Variants in HDAC8 observed in about 807,000 individuals in gnomAD.
HDAC8 encodes the protein histone deacetylase 8.
HDAC8 carries 1 observed loss-of-function variant against 32.2 expected under a neutral mutation model. The ratio of observed to expected loss-of-function variants is 0.03; its 90% CI spans 0.01 to 0.15. The LOEUF is 0.15. Among genes scored for constraint, HDAC8 ranks in the 10% least tolerant of loss-of-function variants. The pLI, the probability that HDAC8 is intolerant of heterozygous loss-of-function variation, is 1.00. For missense variants in HDAC8, 117 were observed against 300.0 expected (o/e 0.39, Z 4.51); for synonymous variants, 108 against 113.9 (o/e 0.95, Z 0.33).
At chrX:72,556,854 G>T (rs1158011255) in intron 4 of HDAC8, among the ~76,000 whole-genome samples, 1 of 111,875 alleles carries the variant, frequency 8.9e-6, no homozygotes, top group Non-Finnish European at 1.9e-5. Flanking sequence ...ATCCAGACAG[G>T]AAGTCAACAA....
At chrX:72,447,187 C>T (rs2047430987) in intron 9 of HDAC8, among the ~76,000 whole-genome samples, 1 of 112,147 alleles carries the variant, frequency 8.9e-6, no homozygotes, top group Non-Finnish European at 1.9e-5. Context: ...CAAAAATGCT[C>T]AATAAAATAC....
intron 6 of HDAC8, among the ~76,000 whole-genome samples, chrX:72,489,956 T>A (rs2048807853): frequency 9.0e-6 from 1 of 111,339 alleles, no homozygotes; most frequent in African/African-American, 3.3e-5. Context: ...ATGAACAGAC[T>A]CTTCTCAAAA....
chrX:72,361,081 G>A (rs78046994), intron 9 of HDAC8, among the ~76,000 whole-genome samples: 9,445 of 110,227 alleles, frequency 0.086, 402 homozygotes, highest in East Asian at 0.29. Context: ...AGATGGGGAT[G>A]GAAAAAAAGT....
At chrX:72,351,665 G>A in intron 10 of HDAC8, 68 bp downstream of exon 10, 1 of 722,938 alleles carries the variant, frequency 1.4e-6, no homozygotes, top group East Asian at 3.3e-5. Flanking sequence ...ATTTAAGGAA[G>A]CCCCCACTGA....
intron 4 of HDAC8, among the ~76,000 whole-genome samples, chrX:72,513,437 T>C (rs1014090835): frequency 9.1e-6 from 1 of 109,986 alleles, no homozygotes; most frequent in African/African-American, 3.3e-5. Context: ...GTGATTCTTC[T>C]GCCTCAGCCA....
chrX:72,559,308 G>A (rs1556108922), intron 4 of HDAC8, among the ~76,000 whole-genome samples: 1 of 109,264 alleles, frequency 9.2e-6, no homozygotes, highest in African/African-American at 3.3e-5. Flanking sequence ...CTAACCGCGA[G>A]TGATCTGCCA....
chrX:72,547,296 T>A (rs1556058135), intron 4 of HDAC8, among the ~76,000 whole-genome samples: 1 of 109,992 alleles, frequency 9.1e-6, no homozygotes, highest in Admixed American at 9.8e-5. Flanking sequence ...TGGGATTCCA[T>A]AACCCCTTTC....
chrX:72,333,063 A>C (rs2043574938), intron 10 of HDAC8, among the ~76,000 whole-genome samples: 1 of 111,921 alleles, frequency 8.9e-6, no homozygotes, highest in African/African-American at 3.2e-5. Context: ...GTAAAGCAAA[A>C]GTTGATTTTG....
chrX:72,525,731 G>C (rs977518034), intron 4 of HDAC8, among the ~76,000 whole-genome samples: 2 of 97,341 alleles, frequency 2.1e-5, no homozygotes. Context: ...GGAGAATGGC[G>C]TGAACCCGGG....
intron 9 of HDAC8, among the ~76,000 whole-genome samples, chrX:72,409,797 T>C (rs2046144560): frequency 8.9e-6 from 1 of 112,109 alleles, no homozygotes; most frequent in Admixed American, 9.5e-5. Context: ...ATGCAATGCA[T>C]TGTGATTATT....
chrX:72,488,135 T>C (rs1216001453), intron 7 of HDAC8, among the ~76,000 whole-genome samples: 5 of 111,437 alleles, frequency 4.5e-5, no homozygotes, highest in Non-Finnish European at 9.4e-5. Context: ...CTGCCAGTGA[T>C]GATGGCCAGT....
intron 9 of HDAC8, among the ~76,000 whole-genome samples, chrX:72,397,052 T>TG (rs1370306058): frequency 2.7e-5 from 3 of 110,206 alleles, no homozygotes; most frequent in African/African-American, 9.9e-5. Flanking sequence ...AGAGGGCAAA[T>TG]GGGGGGCTGG....
chrX:72,490,441 A>C (rs1330035870), intron 6 of HDAC8, among the ~76,000 whole-genome samples: 1 of 108,097 alleles, frequency 9.3e-6, no homozygotes, highest in Non-Finnish European at 1.9e-5. Flanking sequence ...GGATGAGTTC[A>C]TGTCCTTTGT....
intron 9 of HDAC8, among the ~76,000 whole-genome samples, chrX:72,355,833 C>G (rs2044333195): frequency 8.9e-6 from 1 of 112,057 alleles, no homozygotes. Flanking sequence ...AACCTGAATC[C>G]ACCAATCCTT....
At chrX:72,559,460 T>A (rs1387541901) in intron 4 of HDAC8, among the ~76,000 whole-genome samples, 3 of 111,128 alleles carry the variant, frequency 2.7e-5, no homozygotes, top group African/African-American at 9.8e-5. Flanking sequence ...CCTCCCAAAG[T>A]GCCGAGATTG....
intron 9 of HDAC8, among the ~76,000 whole-genome samples, chrX:72,407,894 A>G (rs1291319185): frequency 1.8e-5 from 2 of 112,242 alleles, no homozygotes; most frequent in African/African-American, 6.5e-5. Flanking sequence ...TGGGTGCCCA[A>G]TGGTACTGAG....
chrX:72,363,470 T>G (rs1353336908), intron 9 of HDAC8, among the ~76,000 whole-genome samples: 1 of 111,492 alleles, frequency 9.0e-6, no homozygotes, highest in African/African-American at 3.3e-5. Flanking sequence ...CCTCTCTCTA[T>G]CCCTTCACTT....
chrX:72,401,950 G>A (rs2045911983), intron 9 of HDAC8, among the ~76,000 whole-genome samples: 1 of 112,046 alleles, frequency 8.9e-6, no homozygotes, highest in Non-Finnish European at 1.9e-5. Flanking sequence ...TTAAACATTT[G>A]GTAGAATTAA....
At chrX:72,554,551 T>G (rs2051215005) in intron 4 of HDAC8, among the ~76,000 whole-genome samples, 1 of 104,592 alleles carries the variant, frequency 9.6e-6, no homozygotes, top group African/African-American at 3.5e-5. Flanking sequence ...ACAGTGGGAG[T>G]GAGACCGGCC....
Sources: gnomAD v4.1 joint callset for allele counts (sites outside exome capture counted in the v4.1 genomes callset) on GRCh38, gnomAD v4.1.1 for gene constraint, MANE v1.5 for transcripts, NCBI Gene and HGNC (gene_info 2026-07-23, HGNC 2026-07-21) for gene names.